RRM1: variants seen among roughly 807,000 people sequenced by gnomAD.
RRM1 encodes the protein ribonucleoside-diphosphate reductase large subunit.
A neutral mutation model predicts 101.5 loss-of-function variants in RRM1; 19 were observed. That is an observed-to-expected ratio of 0.19 (90% confidence interval 0.13 to 0.27). RRM1 has a LOEUF of 0.27. Among genes scored for constraint, RRM1 ranks in the 10% least tolerant of loss-of-function variants. RRM1 has a pLI of 1.00. For synonymous variants in RRM1, 298 were observed against 323.4 expected, an observed-to-expected ratio of 0.92 and a Z score of 0.84; for missense variants, 500 against 962.9, an observed-to-expected ratio of 0.52 and a Z score of 6.36.
intron 4 of RRM1, 94 bp downstream of exon 4, chr11:4,107,629 T>A: frequency 1.4e-6 from 1 of 718,530 alleles, no homozygotes; most frequent in Non-Finnish European, 2.5e-6. Context: ...AAGATACAGG[T>A]AAATACTAAT....
chr11:4,109,782 G>C (rs2094563015), intron 5 of RRM1, 79 bp downstream of exon 5: 2 of 1,207,410 alleles, frequency 1.7e-6, no homozygotes, highest in Admixed American at 1.9e-5. Context: ...TTTGGTGACA[G>C]TTATCAAGGC....
intron 18 of RRM1, 96 bp downstream of exon 18, chr11:4,135,366 C>A: frequency 1.1e-6 from 1 of 916,234 alleles, no homozygotes; most frequent in Non-Finnish European, 1.6e-6. Flanking sequence ...AATATTATCA[C>A]CTAGAAGTTC....
At chr11:4,121,927 A>G (rs12295358) in intron 10 of RRM1, among the ~76,000 whole-genome samples, 162 bp downstream of exon 10, 9,983 of 152,274 alleles carry the variant, frequency 0.066, 415 homozygotes, top group African/African-American at 0.12. Context: ...TTATATTTCT[A>G]TTCTCTAAAG....
At chr11:4,121,097 T>C (rs2094581168) in intron 9 of RRM1, among the ~76,000 whole-genome samples, 1 of 152,256 alleles carries the variant, frequency 6.6e-6, no homozygotes, top group Non-Finnish European at 1.5e-5. Flanking sequence ...TTGGGTTGTT[T>C]ACCTTATTTT....
chr11:4,112,195 T>A, intron 7 of RRM1, 133 bp downstream of exon 7: 1 of 638,002 alleles, frequency 1.6e-6, no homozygotes, highest in Non-Finnish European at 2.6e-6. Flanking sequence ...TCTGGAAAGA[T>A]CTCTGACTGT....
chr11:4,121,803 T>G, intron 10 of RRM1, 38 bp downstream of exon 10: 1 of 1,540,152 alleles, frequency 6.5e-7, no homozygotes, highest in South Asian at 1.3e-5. Context: ...GCAACTTGAT[T>G]CACATGAGCT....
intron 14 of RRM1, among the ~76,000 whole-genome samples, chr11:4,128,327 G>A (rs566309774): frequency 6.6e-6 from 1 of 152,232 alleles, no homozygotes; most frequent in African/African-American, 2.4e-5. Context: ...GGCCAGGCTG[G>A]TCTTGAACTT....
chr11:4,135,476 C>G (rs181994084), intron 18 of RRM1, among the ~76,000 whole-genome samples: 1 of 152,326 alleles, frequency 6.6e-6, no homozygotes, highest in East Asian at 1.9e-4. Context: ...TTATTTCCTT[C>G]TTAGGTTTGA....
intron 16 of RRM1, 48 bp from the exon 17 acceptor site, chr11:4,133,515 C>A: frequency 8.8e-7 from 1 of 1,142,366 alleles, no homozygotes; most frequent in Non-Finnish European, 1.3e-6. Flanking sequence ...CTTTTCTAAG[C>A]AGTCACTGTT....
intron 5 of RRM1, among the ~76,000 whole-genome samples, chr11:4,111,172 G>A (rs2133296499): frequency 6.6e-6 from 1 of 151,870 alleles, no homozygotes; most frequent in East Asian, 1.9e-4. Context: ...TCTACAAAAC[G>A]TTTTAAAAAG....
At chr11:4,104,137 C>T (rs1322650490) in intron 2 of RRM1, among the ~76,000 whole-genome samples, 1 of 151,988 alleles carries the variant, frequency 6.6e-6, no homozygotes, top group Non-Finnish European at 1.5e-5. Flanking sequence ...AAACTGTGTG[C>T]TGTTAGATCT....
At chr11:4,127,531 AC>A (rs2094591823) in intron 14 of RRM1, among the ~76,000 whole-genome samples, 1 of 152,332 alleles carries the variant, frequency 6.6e-6, no homozygotes, top group South Asian at 2.1e-4. Flanking sequence ...TTGGAGTGTT[AC>A]AACCACAAGC....
At chr11:4,102,926 C>T (rs2094553505) in intron 2 of RRM1, among the ~76,000 whole-genome samples, 1 of 152,168 alleles carries the variant, frequency 6.6e-6, no homozygotes, top group South Asian at 2.1e-4. Context: ...CCTGGACTTC[C>T]TCTAATCTTA....
At chr11:4,105,458 T>C in intron 2 of RRM1, 2 of 340,590 alleles carry the variant, frequency 5.9e-6, no homozygotes, top group East Asian at 2.0e-4. Flanking sequence ...CCCAAACTCC[T>C]GGGCTCAAGC....
intron 12 of RRM1, among the ~76,000 whole-genome samples, chr11:4,126,062 G>C (rs904146718): frequency 6.6e-6 from 1 of 152,224 alleles, no homozygotes; most frequent in Admixed American, 6.5e-5. Flanking sequence ...ATATAAATAA[G>C]ATGATCCTTG....
At chr11:4,121,869 G>A (rs957611477) in intron 10 of RRM1, 104 bp downstream of exon 10, 25 of 1,039,990 alleles carry the variant, frequency 2.4e-5, no homozygotes, top group Non-Finnish European at 3.1e-5. Flanking sequence ...TGTGTGTGAT[G>A]CCACAGAAGG....
chr11:4,095,210 A>G (rs2094541943), intron 1 of RRM1, among the ~76,000 whole-genome samples, 179 bp downstream of exon 1: 1 of 151,452 alleles, frequency 6.6e-6, no homozygotes, highest in Non-Finnish European at 1.5e-5. Context: ...CCTGCCCCGA[A>G]CCTCCTTCGG....
In RRM1 at chr11:4,126,820, A is replaced by G. The variant is rs1368883845; in HGVS notation, c.1457A>G (p.Tyr486Cys). The G allele has an allele frequency of 6.2e-7, 1 of 1,610,662 alleles. No individual in the cohort carries two copies. The highest frequency in any genetic ancestry group is 8.5e-7 in the Non-Finnish European group (1 of 1,178,072). The change falls in exon 13 of 19, where the codon TAT (tyrosine) becomes TGT (cysteine). Residue 486 changes from tyrosine to cysteine, a missense_variant. By Grantham distance (194) the Tyr-to-Cys change is radical. Coordinates refer to ENST00000300738, the MANE Select transcript of RRM1 (RefSeq NM_001033.5). The part of the protein sequence containing the change: ...NLNKIIDINY[Y>C]PVPEACLSNK... Reference sequence around the variant, plus strand: ...AATAAAATTATTGATATAAACTACTATCCTGTACCAGAGGTATGAATAGAT... The same window carrying G: ...AATAAAATTATTGATATAAACTACTGTCCTGTACCAGAGGTATGAATAGAT...
Position 4,133,651 on chromosome 11 carries a change from C to G in RRM1, c.1994C>G (p.Ser665Cys). The change falls in exon 17 of 19, where the codon TCT (serine) becomes TGT (cysteine). Residue 665 changes from serine (S) to cysteine (C), a missense_variant. Physicochemically the swap from Ser to Cys is moderately radical, Grantham distance 112 (BLOSUM62 -1). Around this residue, in one of 9 missense-constraint regions of RRM1, gnomAD observed 79 missense variants for 176.4 expected, o/e 0.45. Transcript: ENST00000300738. ...MKNQIIACNG[S>C]IQSIPEIPDD... Reference sequence around the variant, plus strand: ...AACCAGATTATTGCATGCAATGGCTCTATTCAGGTATAGAATGAAAATGAA... The same window carrying G: ...AACCAGATTATTGCATGCAATGGCTGTATTCAGGTATAGAATGAAAATGAA... The G allele has an allele frequency of 6.3e-7, 1 of 1,595,650 alleles. No individual in the cohort carries two copies. Among genetic ancestry groups the G allele is most frequent in the African/African-American group, 1.3e-5 (1 of 74,638 alleles).
Sources: allele counts gnomAD v4.1 joint callset (sites outside exome capture counted in the v4.1 genomes callset), GRCh38; gene constraint gnomAD v4.1.1; regional missense constraint gnomAD v4.1.1; transcripts MANE v1.5; gene names NCBI Gene and HGNC (gene_info 2026-07-23, HGNC 2026-07-21).